Variants in MB observed in about 807,000 individuals in gnomAD.
MB encodes myoglobin, also known as nitrite reductase MB.
A neutral mutation model predicts 14.5 loss-of-function variants in MB; 10 were observed. That is an observed-to-expected ratio of 0.69 (90% CI 0.43 to 1.17). The LOEUF (loss-of-function observed/expected upper bound fraction) is 1.17, where lower values mean the gene tolerates loss of function less well. MB is among the 50% of genes most tolerant of loss of function. The probability of loss-of-function intolerance (pLI) is 0.00; values close to 1 mark genes in which losing one functional copy is unlikely to be tolerated. For synonymous variants in MB, 89 were observed against 78.6 expected, an observed-to-expected ratio of 1.13 and a Z score of -0.70; for missense variants, 169 against 192.7, an observed-to-expected ratio of 0.88 and a Z score of 0.73.
chr22:35,621,941 T>A (rs1038393902), upstream of MB: 1 of 152,212 alleles, frequency 6.6e-6, no homozygotes, highest in Non-Finnish European at 1.5e-5. Flanking sequence ...GAGAACGCTA[T>A]AGCAAAGGGG....
chr22:35,623,046 A>G (rs1923568135), intron 1 of MB: 1 of 152,208 alleles, frequency 6.6e-6, no homozygotes, highest in African/African-American at 2.4e-5. Flanking sequence ...AGAGGCAGGA[A>G]TATAAAAGCC....
intron 2 of MB, 70 bp from the exon 3 acceptor site, chr22:35,607,513 T>G: frequency 2.7e-6 from 4 of 1,476,914 alleles, no homozygotes; most frequent in Non-Finnish European, 3.7e-6. Context: ...GGGAGTCAGT[T>G]GTCCTCCTAC....
At chr22:35,615,877 C>T (rs576596070) in intron 1 of MB, among the ~76,000 whole-genome samples, 4 of 152,232 alleles carry the variant, frequency 2.6e-5, no homozygotes, top group South Asian at 2.1e-4. Flanking sequence ...AAACACACTA[C>T]GATGCCATTA....
upstream of MB, chr22:35,617,533 C>T (rs1923172933): frequency 8.9e-6 from 4 of 447,484 alleles, no homozygotes; most frequent in East Asian, 1.7e-4. Flanking sequence ...CAGCTCAGGC[C>T]ACAGGGGGTG....
At chr22:35,609,303 T>G (rs1288904329) in intron 2 of MB, among the ~76,000 whole-genome samples, 3 of 152,176 alleles carry the variant, frequency 2.0e-5, no homozygotes, top group Admixed American at 2.0e-4. Flanking sequence ...AGGGAGGGGC[T>G]GGCAGATGGA....
upstream of MB, among the ~76,000 whole-genome samples, chr22:35,622,326 C>G (rs974032009): frequency 2.5e-4 from 38 of 152,070 alleles, no homozygotes; most frequent in Admixed American, 6.5e-4. Context: ...CAGCGCCAGG[C>G]CAGGGCTCAG....
chr22:35,615,099 G>A (rs1423532977), intron 1 of MB, among the ~76,000 whole-genome samples: 1 of 152,182 alleles, frequency 6.6e-6, no homozygotes, highest in Non-Finnish European at 1.5e-5. Context: ...GAAGGCCTCA[G>A]TGTTTTACAG....
intron 2 of MB, among the ~76,000 whole-genome samples, chr22:35,609,050 T>C (rs1448932511): frequency 2.0e-5 from 3 of 152,192 alleles, no homozygotes; most frequent in African/African-American, 4.8e-5. Flanking sequence ...TGGGTTCTAG[T>C]GGCCAACTGG....
chr22:35,613,860 G>A (rs529133243), intron 1 of MB, among the ~76,000 whole-genome samples: 6 of 152,216 alleles, frequency 3.9e-5, no homozygotes, highest in East Asian at 3.9e-4. Flanking sequence ...AGATCATTCC[G>A]GCACCACACA....
intron 2 of MB, among the ~76,000 whole-genome samples, chr22:35,609,808 C>T (rs1255778967): frequency 2.6e-5 from 4 of 152,200 alleles, no homozygotes; most frequent in Admixed American, 2.0e-4. Flanking sequence ...ACTACCTTTC[C>T]CAGCTTCCCG....
In MB at chr22:35,607,237, C is replaced by A; in HGVS notation, c.*60G>T. On this transcript the variant is annotated 3_prime_UTR_variant, in exon 3 of 3. Transcript: ENST00000397326. ...CAAACTCTATATGGCTACACGAGAT[C>A]AGACCCCGCTCTCTCTTGAACCCGG... 6.4e-7 allele frequency: 1 copy of A among 1,555,898 alleles called. No homozygotes were observed. Among genetic ancestry groups the A allele is most frequent in the Non-Finnish European group, 8.7e-7 (1 of 1,147,216 alleles).
In MB at chr22:35,608,572, C is replaced by G. The variant is rs930942546; in HGVS notation, c.319-1129G>C. Among the ~76,000 whole-genome samples, 1 of 152,238 alleles carries G rather than the reference C, an allele frequency of 6.6e-6. No individual in the cohort carries two copies. Among genetic ancestry groups the G allele is most frequent in the African/African-American group, 2.4e-5 (1 of 41,456 alleles). On this transcript the variant is annotated intron_variant, in intron 2 of 2. Transcript: ENST00000397326. This position sits in a 1 kb window ranked among gnomAD's most constrained non-coding sequence, Gnocchi z 4.3. ...AGAGGGGCAGCTCCACAAACGCCTA[C>G]TCTTGGGCATCAAGGTGGATGCTTG...
upstream of MB, among the ~76,000 whole-genome samples, chr22:35,621,552 C>G (rs930304945): frequency 1.3e-5 from 2 of 152,124 alleles, no homozygotes; most frequent in Non-Finnish European, 2.9e-5. Flanking sequence ...GGTATTTTGT[C>G]CAATTTCCCA....
upstream of MB, among the ~76,000 whole-genome samples, chr22:35,618,310 G>A (rs530885771): frequency 5.3e-5 from 8 of 152,254 alleles, no homozygotes; most frequent in South Asian, 4.1e-4. Flanking sequence ...ATTAACCCAC[G>A]TATCTCTTGG....
chr22:35,619,182 T>G (rs1569123082), upstream of MB, among the ~76,000 whole-genome samples: 1 of 152,072 alleles, frequency 6.6e-6, no homozygotes, highest in Non-Finnish European at 1.5e-5. Flanking sequence ...GAACTCAGAG[T>G]CTTTTTAGGG....
At chr22:35,620,425 T>A (rs1997882), upstream of MB, among the ~76,000 whole-genome samples, 1 of 152,102 alleles carries the variant, frequency 6.6e-6, no homozygotes, top group South Asian at 2.1e-4. Context: ...TTCATTCATT[T>A]GAAAGCCCAT....
At chr22:35,616,045 G>A (rs979219273) in intron 1 of MB, among the ~76,000 whole-genome samples, 5 of 152,164 alleles carry the variant, frequency 3.3e-5, no homozygotes, top group Admixed American at 6.6e-5. Context: ...AAAGGACGAC[G>A]GAGTGGAAGA....
chr22:35,616,453 C>T (rs1298267028), intron 1 of MB, among the ~76,000 whole-genome samples: 1 of 152,206 alleles, frequency 6.6e-6, no homozygotes, highest in Non-Finnish European at 1.5e-5. Flanking sequence ...TAATGAGCCT[C>T]TATCTTCTGT....
intron 1 of MB, among the ~76,000 whole-genome samples, chr22:35,612,283 G>A (rs1333612570): frequency 2.6e-5 from 4 of 152,198 alleles, no homozygotes; most frequent in Non-Finnish European, 4.4e-5. Context: ...ACCATGCCCA[G>A]AAGTTGTCAC....
Sources: allele counts gnomAD v4.1 joint callset (sites outside exome capture counted in the v4.1 genomes callset), GRCh38; gene constraint gnomAD v4.1.1; non-coding constraint Gnocchi (gnomAD v3.1); transcripts MANE v1.5; gene names NCBI Gene and HGNC (gene_info 2026-07-23, HGNC 2026-07-21).